Variants in ARGFX observed in about 807,000 individuals in gnomAD.
ARGFX encodes the protein arginine-fifty homeobox.
In ARGFX, 10 loss-of-function variants were observed where a neutral mutation model predicts 8.0. The observed-to-expected ratio is 1.25, with a 90% CI of 0.77 to 2.12. The LOEUF (loss-of-function observed/expected upper bound fraction) is 2.12. Among genes scored for constraint, ARGFX ranks in the 30% most tolerant of loss-of-function variants. The pLI is 0.00. For missense variants in ARGFX, 282 were observed against 324.3 expected, an observed-to-expected ratio of 0.87 and a Z score of 1.00; for synonymous variants, 116 against 117.8, an observed-to-expected ratio of 0.98 and a Z score of 0.10.
At chr3:121,570,609 G>T (rs1340859834) in intron 1 of ARGFX, 93 bp from the exon 2 acceptor site, 3 of 706,858 alleles carry the variant, frequency 4.2e-6, no homozygotes, top group Non-Finnish European at 6.9e-6. Flanking sequence ...CTTGCCAGAG[G>T]TCATACATCA....
At chr3:121,581,972 G>C (rs2048783079) in intron 3 of ARGFX, among the ~76,000 whole-genome samples, 2 of 152,180 alleles carry the variant, frequency 1.3e-5, no homozygotes, top group South Asian at 4.1e-4. Flanking sequence ...ATTTGAAGCA[G>C]TGGCTACTGT....
intron 3 of ARGFX, among the ~76,000 whole-genome samples, chr3:121,579,703 C>G (rs1365805415): frequency 6.6e-6 from 1 of 152,044 alleles, no homozygotes; most frequent in East Asian, 1.9e-4. Flanking sequence ...GGAATAGAAT[C>G]AGGAGGCTGA....
Position 121,570,699 on chromosome 3 carries a change from C to T in ARGFX, c.-12-3C>T. 6.3e-7 allele frequency: 1 copy of T among 1,584,134 alleles called. No homozygotes were observed. Among genetic ancestry groups the T allele is most frequent in the Non-Finnish European group, 8.6e-7 (1 of 1,161,512 alleles). On this transcript the variant is annotated splice_region_variant and splice_polypyrimidine_tract_variant and intron_variant, in intron 1 of 4. Transcript: ENST00000334384. ...TCCCTATCTCATAGGCCTTCCATCT[C>T]AGATTTCAGAAACCATGAGGAACAG...
chr3:121,573,127 A>G (rs1305820428), intron 2 of ARGFX, among the ~76,000 whole-genome samples: 1 of 152,212 alleles, frequency 6.6e-6, no homozygotes, highest in Admixed American at 6.6e-5. Flanking sequence ...ACAAAATAAA[A>G]ATAGATAAAT....
intron 1 of ARGFX, 79 bp from the exon 2 acceptor site, chr3:121,570,623 C>T: frequency 1.1e-6 from 1 of 914,876 alleles, no homozygotes; most frequent in Non-Finnish European, 1.6e-6. Flanking sequence ...TACATCAAGC[C>T]CAGGCTCCTT....
chr3:121,585,342 C>A (rs1410174611), intron 4 of ARGFX, among the ~76,000 whole-genome samples: 1 of 152,106 alleles, frequency 6.6e-6, no homozygotes, highest in Non-Finnish European at 1.5e-5. Flanking sequence ...ATTTTTAATA[C>A]TTGTACTATA....
In ARGFX at chr3:121,587,788, A is replaced by G. The variant is rs1336157787; in HGVS notation, c.*1188A>G. On this transcript the variant is annotated 3_prime_UTR_variant, in exon 5 of 5. Transcript: ENST00000334384. ...GTCCTCCCACCTCAGCCTTCTGAGT[A>G]GCTGAGACTACAGACATGCGCCACC... Among the ~76,000 whole-genome samples the G allele has an allele frequency of 1.3e-5, 2 of 151,856 alleles. No homozygotes were observed. The highest frequency in any genetic ancestry group is 2.9e-5 in the Non-Finnish European group (2 of 67,974).
chr3:121,573,848 CAAAAA>C (rs35593006), intron 2 of ARGFX, among the ~76,000 whole-genome samples: 11 of 59,032 alleles, frequency 1.9e-4, no homozygotes, highest in African/African-American at 3.5e-4. Context: ...AACTCCATCT[CAAAAA>C]AAAAAAAAAA....
At chr3:121,585,369 A>G (rs1352202447) in intron 4 of ARGFX, among the ~76,000 whole-genome samples, 1 of 152,194 alleles carries the variant, frequency 6.6e-6, no homozygotes, top group African/African-American at 2.4e-5. Flanking sequence ...AAATAGCGGA[A>G]AGGTGCTCAT....
Position 121,570,794 on chromosome 3 carries a change from A to G in ARGFX, c.81A>G (p.Pro27=). ...ATTATTCCAACATGAAGGTGATACC[A>G]CCACAGGATCCAGCTAGTCCCAGTG... ...NRNYSNMKVI[P]PQDPASPSFT... is the part of the protein sequence containing the mutation. The change falls in exon 2 of 5, where the codon CCA becomes CCG. Residue 27 remains proline (P), a synonymous_variant. Transcript: ENST00000334384. 1 of 1,605,410 alleles carries G rather than the reference A, an allele frequency of 6.2e-7. No individual in the cohort carries two copies. The highest frequency in any genetic ancestry group is 1.1e-5 in the South Asian group (1 of 89,170).
chr3:121,571,170 A>C (rs1368822018), intron 2 of ARGFX, among the ~76,000 whole-genome samples: 1 of 152,210 alleles, frequency 6.6e-6, no homozygotes, highest in African/African-American at 2.4e-5. Flanking sequence ...ACAAACAAAC[A>C]AAAGCTCATT....
In ARGFX at chr3:121,570,915, T is replaced by C. The variant is rs1010088221; in HGVS notation, c.103+99T>C. The C allele has an allele frequency of 1.0e-5, 8 of 800,014 alleles. No individual in the cohort carries two copies. The Admixed American group carries it at 1.1e-4, about 11-fold the overall frequency. 49.6% of individuals were successfully genotyped at this position (800,014 alleles called of 1,614,324 possible). A position where few individuals can be genotyped will look rare whatever the true frequency, so the allele number is the denominator to read the frequency against. Reference sequence around the variant, plus strand: ...GCATTTGTTTTAAGGCAGCTATTGATTGTTTTAAAAAATCTATTCAAAAAG... The same window carrying C: ...GCATTTGTTTTAAGGCAGCTATTGACTGTTTTAAAAAATCTATTCAAAAAG... On this transcript the variant is annotated intron_variant, in intron 2 of 4. Transcript: ENST00000334384.
At chr3:121,584,788 TA>T in intron 3 of ARGFX, 128 bp from the exon 4 acceptor site, 1 of 1,116,820 alleles carries the variant, frequency 9.0e-7, no homozygotes, top group Non-Finnish European at 1.3e-6. Context: ...TTCTGGATCC[TA>T]AGCCTGGTTG....
chr3:121,568,494 G>C (rs760329944), intron 1 of ARGFX, among the ~76,000 whole-genome samples: 14 of 152,212 alleles, frequency 9.2e-5, no homozygotes, highest in Admixed American at 3.3e-4. Flanking sequence ...CTGTAGACCA[G>C]TTGAATCGTT....
At chr3:121,585,879 C>A in intron 4 of ARGFX, 143 bp from the exon 5 acceptor site, 1 of 737,820 alleles carries the variant, frequency 1.4e-6, no homozygotes, top group Non-Finnish European at 2.2e-6. Context: ...CCAGTCATGC[C>A]CATCTCTGCT....
At chr3:121,575,937 GAAAATAAAT>G (rs1355533796) in intron 2 of ARGFX, among the ~76,000 whole-genome samples, 1 of 150,662 alleles carries the variant, frequency 6.6e-6, no homozygotes, top group Non-Finnish European at 1.5e-5. Flanking sequence ...AAGTGTGGTT[GAAAATAAAT>G]GAAATAAATG....
At chr3:121,583,186 T>C (rs2048790496) in intron 3 of ARGFX, among the ~76,000 whole-genome samples, 1 of 151,572 alleles carries the variant, frequency 6.6e-6, no homozygotes, top group Non-Finnish European at 1.5e-5. Flanking sequence ...TGCACCACTA[T>C]GCCTGGCTAA....
In ARGFX at chr3:121,567,976, A is replaced by G. The variant is rs1446364892; in HGVS notation, c.-50A>G. ...ATTTCCAGAGAGAGACACACCACGTAGGACTGAAAATGGTTACTCTAAGGG... is the reference window on the plus strand; with the variant it reads ...ATTTCCAGAGAGAGACACACCACGTGGGACTGAAAATGGTTACTCTAAGGG... On this transcript the variant is annotated 5_prime_UTR_variant, in exon 1 of 5. Transcript: ENST00000334384. Among the ~76,000 whole-genome samples, 1 of 152,170 alleles carries G rather than the reference A, an allele frequency of 6.6e-6. No homozygotes were observed. The highest frequency in any genetic ancestry group is 1.5e-5 in the Non-Finnish European group (1 of 68,034).
chr3:121,577,067 C>A (rs1212047915), intron 3 of ARGFX, among the ~76,000 whole-genome samples, 167 bp downstream of exon 3: 2 of 151,164 alleles, frequency 1.3e-5, no homozygotes, highest in Non-Finnish European at 2.9e-5. Context: ...TCTATCAGTT[C>A]CATTCTATCT....
Sources: allele counts gnomAD v4.1 joint callset (sites outside exome capture counted in the v4.1 genomes callset), GRCh38; gene constraint gnomAD v4.1.1; transcripts MANE v1.5; gene names NCBI Gene and HGNC (gene_info 2026-07-23, HGNC 2026-07-21).